Variants in EIF2A observed in about 807,000 individuals in gnomAD.
The protein encoded by EIF2A is 65 kDa eukaryotic translation initiation factor 2A.
In EIF2A, 62 loss-of-function variants were observed where a neutral mutation model predicts 75.2. The observed-to-expected ratio is 0.82, with a 90% CI of 0.67 to 1.02. The LOEUF (loss-of-function observed/expected upper bound fraction) is 1.02, where lower values mean the gene tolerates loss of function less well. Ranked by LOEUF, EIF2A falls within the 50% of genes least tolerant of loss-of-function variation. The pLI, the probability that EIF2A is intolerant of heterozygous loss-of-function variation, is 0.00. For missense variants in EIF2A, 611 were observed against 677.7 expected (o/e 0.90, Z 1.09); for synonymous variants, 207 against 239.0 (o/e 0.87, Z 1.23).
chr3:150,581,817 AGATGCCTAAAG>A, intron 12 of EIF2A, 71 bp downstream of exon 12: 1 of 1,517,126 alleles, frequency 6.6e-7, no homozygotes, highest in South Asian at 1.2e-5. Context: ...GAGAGTACTT[AGATGCCTAAAG>A]ACAGGTATCT....
At chr3:150,547,650 T>G (rs1034549058) in intron 1 of EIF2A, among the ~76,000 whole-genome samples, 2 of 152,172 alleles carry the variant, frequency 1.3e-5, no homozygotes, top group Non-Finnish European at 2.9e-5. Context: ...AGAGAAAGGT[T>G]GTCTGCATTT....
Position 150,546,794 on chromosome 3 carries a change from C to T in EIF2A, c.-9C>T, listed in dbSNP as rs746468990. On this transcript the variant is annotated 5_prime_UTR_variant, in exon 1 of 14. Transcript: ENST00000460851. ...CTCTCACCCGAGCGGTTTCTCTTTC[C>T]GGGACAACATGGCGCCGTCCACGCC... 2.5e-6 allele frequency: 4 copies of T among 1,612,422 alleles called. No individual in the cohort carries two copies. The highest frequency in any genetic ancestry group is 3.4e-6 in the Non-Finnish European group (4 of 1,179,870).
At position 150,585,366 on chromosome 3, in the gene EIF2A, A is replaced by G. The variant is rs931486711; in HGVS notation, c.*1455A>G. Reference sequence around the variant, plus strand: ...GAAACCCCATCTCTACTAAAAATACAAAAGTATCCAGGCGTGGTAGCACAT... The same window carrying G: ...GAAACCCCATCTCTACTAAAAATACGAAAGTATCCAGGCGTGGTAGCACAT... On this transcript the variant is annotated 3_prime_UTR_variant, in exon 14 of 14. Coordinates refer to ENST00000460851, the MANE Select transcript of EIF2A (RefSeq NM_032025.5). 3 of 152,218 alleles carry G rather than the reference A, an allele frequency of 2.0e-5. No homozygotes were observed. Among genetic ancestry groups the G allele is most frequent in the Non-Finnish European group, 4.4e-5 (3 of 68,060 alleles). The allele number at this position is 152,218 out of a possible 1,614,324, so 9.4% of individuals were successfully genotyped here.
At chr3:150,557,075 T>C (rs1181049903) in intron 2 of EIF2A, among the ~76,000 whole-genome samples, 1 of 152,174 alleles carries the variant, frequency 6.6e-6, no homozygotes, top group Non-Finnish European at 1.5e-5. Context: ...AGTTTTAATT[T>C]GAGGGAAGGA....
At chr3:150,558,601 TAC>T in intron 3 of EIF2A, 139 bp downstream of exon 3, 1 of 651,268 alleles carries the variant, frequency 1.5e-6, no homozygotes, top group East Asian at 3.5e-5. Context: ...TACCTCTCGT[TAC>T]ACAAAATACC....
chr3:150,552,637 T>C (rs1723371215), intron 2 of EIF2A: 1 of 408,096 alleles, frequency 2.5e-6, no homozygotes. Flanking sequence ...ATTTATAAGG[T>C]AGGGGGAACA....
intron 1 of EIF2A, among the ~76,000 whole-genome samples, chr3:150,549,140 C>T (rs914931264): frequency 6.6e-6 from 1 of 151,166 alleles, no homozygotes; most frequent in African/African-American, 2.4e-5. Context: ...TTTTTAAACT[C>T]GTATAACCTA....
rs1725386859 is a variant in EIF2A at position 150,584,898 on chromosome 3, CA to C, written c.*990del. 1.3e-5 allele frequency among the ~76,000 whole-genome samples: 2 copies of C among 150,676 alleles called. No individual in the cohort carries two copies. The highest frequency in any genetic ancestry group is 1.9e-4 in the East Asian group (1 of 5,158). ...TTTTTTTTTTCTAATTCAAAAAATA[CA>C]AAGGCATGCAATGAAAATTAAGTCT... On this transcript the variant is annotated 3_prime_UTR_variant, in exon 14 of 14. Coordinates refer to ENST00000460851, the MANE Select transcript of EIF2A (RefSeq NM_032025.5).
intron 11 of EIF2A, among the ~76,000 whole-genome samples, chr3:150,580,357 A>T (rs1464012899): frequency 6.6e-6 from 1 of 152,190 alleles, no homozygotes; most frequent in African/African-American, 2.4e-5. Context: ...GTAAGAGATT[A>T]ACAGTAACTC....
chr3:150,563,600 A>G lies in EIF2A; in HGVS notation c.378A>G (p.Lys126=), dbSNP rs1269153526. 5 of 1,531,588 alleles carry G rather than the reference A, an allele frequency of 3.3e-6. No individual in the cohort carries two copies. The highest frequency in any genetic ancestry group is 2.2e-5 in the Admixed American group (1 of 45,414). 94.9% of individuals were successfully genotyped at this position (1,531,588 alleles called of 1,614,324 possible). ...CATGTTTGAAATCTTTCATCCAGAA[A>G]AAAATGCAAAATTGGTAAATAAATG... ...TGTCLKSFIQ[K]KMQNWCPSWS... is the part of the protein sequence containing the mutation. Residue 126 remains lysine, a synonymous_variant, in exon 5 of 14, where the codon AAA becomes AAG. Transcript: ENST00000460851.
At position 150,583,234 on chromosome 3, in the gene EIF2A, C is replaced by T; in HGVS notation, c.1661C>T (p.Ala554Val). 6.2e-7 allele frequency: 1 copy of T among 1,612,784 alleles called. No homozygotes were observed. Among genetic ancestry groups the T allele is most frequent in the Non-Finnish European group, 8.5e-7 (1 of 1,179,462 alleles). ...GCAATCGAACAACTGAAAGAACAAG[C>T]AGCAACTGGAAAACAGCTAGAAAAA... is the stretch of plus-strand genomic sequence containing the variant. ...LKAIEQLKEQ[A>V]ATGKQLEKNQ... is the part of the protein sequence containing the mutation. The change falls in exon 13 of 14, where the codon GCA becomes GTA. Residue 554 changes from alanine (A) to valine (V), a missense_variant. Transcript: ENST00000460851.
In EIF2A at chr3:150,575,721, A is replaced by G. The variant is rs1261424111; in HGVS notation, c.1456A>G (p.Lys486Glu). ...TAAGCCATTATCAAAAACAGCTCTT[A>G]AAAATCAAAGGAAGCATGAAGCTAA... is the stretch of plus-strand genomic sequence containing the variant. ...NDKPLSKTAL[K>E]NQRKHEAKKA... The change falls in exon 11 of 14, where the codon AAA becomes GAA. Residue 486 changes from lysine (K) to glutamate (E), a missense_variant. Lys to Glu is a moderately conservative substitution (Grantham distance 56, BLOSUM62 1). Coordinates refer to ENST00000460851, the MANE Select transcript of EIF2A (RefSeq NM_032025.5). 2 of 1,613,200 alleles carry G rather than the reference A, an allele frequency of 1.2e-6. No homozygotes were observed. Among genetic ancestry groups the G allele is most frequent in the Admixed American group, 1.7e-5 (1 of 59,898 alleles).
chr3:150,581,689 C>T lies in EIF2A; in HGVS notation c.1569C>T (p.Val523=), dbSNP rs1293615982. The T allele has an allele frequency of 1.9e-6, 3 of 1,553,794 alleles. No individual in the cohort carries two copies. The highest frequency in any genetic ancestry group is 2.4e-5 in the South Asian group (2 of 84,142). ...PAPQSTPRNT[V]SQSISGDPEI... ...CACAGAGCACACCACGAAACACTGT[C>T]TCTCAGTCAATTTCTGGGGACCCTG... Residue 523 remains valine, a synonymous_variant, in exon 12 of 14, where the codon GTC becomes GTT. Transcript: ENST00000460851.
At chr3:150,580,998 A>G (rs1212995987) in intron 11 of EIF2A, among the ~76,000 whole-genome samples, 1 of 152,212 alleles carries the variant, frequency 6.6e-6, no homozygotes. Flanking sequence ...TACTGAAACC[A>G]TGGTTAAGGG....
At chr3:150,561,445 G>GC (rs1395595928) in intron 3 of EIF2A, among the ~76,000 whole-genome samples, 1 of 152,150 alleles carries the variant, frequency 6.6e-6, no homozygotes, top group African/African-American at 2.4e-5. Flanking sequence ...AGGCGTGGTG[G>GC]CATGCGCCTG....
chr3:150,568,364 T>C, intron 9 of EIF2A, 72 bp downstream of exon 9: 1 of 1,179,440 alleles, frequency 8.5e-7, no homozygotes, highest in Non-Finnish European at 1.2e-6. Flanking sequence ...AAAGATGATA[T>C]AATCTAAATT....
chr3:150,565,109 C>A, intron 6 of EIF2A: 6 of 443,576 alleles, frequency 1.4e-5, no homozygotes, highest in South Asian at 9.7e-5. Context: ...ATTTGTCTTT[C>A]ACGTTTTCCC....
At chr3:150,577,370 T>A (rs1054757988) in intron 11 of EIF2A, among the ~76,000 whole-genome samples, 8 of 152,088 alleles carry the variant, frequency 5.3e-5, no homozygotes, top group Non-Finnish European at 7.4e-5. Context: ...TGAGACACTC[T>A]GTCTCACTCT....
At chr3:150,583,532 T>C (rs2107983428) in intron 13 of EIF2A, among the ~76,000 whole-genome samples, 1 of 152,360 alleles carries the variant, frequency 6.6e-6, no homozygotes, top group Non-Finnish European at 1.5e-5. Flanking sequence ...CAATTTGTTA[T>C]ATTAGACAAA....
Sources: gnomAD v4.1 joint callset for allele counts (sites outside exome capture counted in the v4.1 genomes callset) on GRCh38, gnomAD v4.1.1 for gene constraint, MANE v1.5 for transcripts, NCBI Gene and HGNC (gene_info 2026-07-23, HGNC 2026-07-21) for gene names.